The following RBFOX1 variants were observed in gnomAD, a reference collection of about 807,000 sequenced individuals.
RBFOX1 encodes RNA binding protein fox-1 homolog 1.
Under a neutral mutation model 57.7 loss-of-function variants are expected in RBFOX1, and 8 were observed. The observed-to-expected ratio is 0.14, with a 90% CI of 0.08 to 0.25. The LOEUF (loss-of-function observed/expected upper bound fraction) is 0.25. Among genes scored for constraint, RBFOX1 ranks in the 10% least tolerant of loss-of-function variants. The pLI, the probability that RBFOX1 is intolerant of heterozygous loss-of-function variation, is 1.00. For synonymous variants in RBFOX1, 326 were observed against 222.4 expected, an observed-to-expected ratio of 1.47 and a Z score of -4.15; for missense variants, 611 against 548.5, an observed-to-expected ratio of 1.11 and a Z score of -1.14.
intron 3 of RBFOX1, among the ~76,000 whole-genome samples, chr16:6,894,854 C>T (rs775004216): frequency 3.3e-5 from 5 of 152,122 alleles, no homozygotes; most frequent in Non-Finnish European, 4.4e-5. Flanking sequence ...GGGTTTAATT[C>T]TCTGCCACAG....
intron 3 of RBFOX1, among the ~76,000 whole-genome samples, chr16:7,049,566 A>G (rs1226229890): frequency 6.6e-6 from 1 of 152,168 alleles, no homozygotes; most frequent in Non-Finnish European, 1.5e-5. Context: ...CTGAGTCTTT[A>G]TATGGCTGGG....
In RBFOX1 at chr16:7,023,785, C is replaced by T. The variant is rs539709888; in HGVS notation, c.-15-28272C>T. On this transcript the variant is annotated intron_variant, in intron 3 of 15. Coordinates refer to ENST00000550418, the MANE Select transcript of RBFOX1 (RefSeq NM_018723.4). ...TTTCCACTTAGCTCAAATACAGCCT[C>T]GGCATCCTTCTGAACACTCTGGAGT... Among the ~76,000 whole-genome samples, 317 of 152,112 alleles carry T rather than the reference C, an allele frequency of 2.1e-3. 1 individual carries two copies. The highest frequency in any genetic ancestry group is 3.3e-3 in the Non-Finnish European group (222 of 67,992).
chr16:5,665,134 G>GGC (rs1555497017), intron 3 of RBFOX1, among the ~76,000 whole-genome samples: 3 of 141,104 alleles, frequency 2.1e-5, no homozygotes, highest in Admixed American at 7.0e-5. Flanking sequence ...TTTTACATGG[G>GGC]GGGGGGCGGT....
At chr16:6,922,276 G>A (rs1110057) in intron 3 of RBFOX1, among the ~76,000 whole-genome samples, 65,641 of 151,876 alleles carry the variant, frequency 0.43, 14,448 homozygotes, top group Middle Eastern at 0.48. Context: ...GATATAAACT[G>A]TAACTTATTC....
intron 1 of RBFOX1, among the ~76,000 whole-genome samples, chr16:6,119,543 C>T (rs2096532815): frequency 6.6e-6 from 1 of 152,122 alleles, no homozygotes; most frequent in South Asian, 2.1e-4. Context: ...CCTCTCATGC[C>T]CTGTACATGT....
chr16:7,587,518 T>C (rs1276371436), intron 7 of RBFOX1, among the ~76,000 whole-genome samples: 1 of 152,202 alleles, frequency 6.6e-6, no homozygotes, highest in Non-Finnish European at 1.5e-5. Context: ...GTTTTATATA[T>C]ATATCAAGTT....
intron 3 of RBFOX1, among the ~76,000 whole-genome samples, chr16:6,906,038 T>C (rs139556391): frequency 1.3e-5 from 2 of 152,316 alleles, no homozygotes; most frequent in Admixed American, 1.3e-4. Flanking sequence ...GAATGCCCAG[T>C]AGAATCAGGA....
chr16:5,315,617 G>A (rs757541083), intron 1 of RBFOX1, among the ~76,000 whole-genome samples: 2 of 152,176 alleles, frequency 1.3e-5, no homozygotes, highest in Non-Finnish European at 2.9e-5. Context: ...GTGTAGCAGG[G>A]ACCCTGTTTG....
intron 2 of RBFOX1, among the ~76,000 whole-genome samples, chr16:6,613,451 C>A (rs1344596396): frequency 6.6e-6 from 1 of 151,944 alleles, no homozygotes; most frequent in East Asian, 1.9e-4. Context: ...ACCCTTAGGC[C>A]CCCTTAAAGT....
At chr16:7,012,135 T>A (rs2093682190) in intron 3 of RBFOX1, among the ~76,000 whole-genome samples, 1 of 152,190 alleles carries the variant, frequency 6.6e-6, no homozygotes, top group South Asian at 2.1e-4. Context: ...AGATCTAGAA[T>A]AATCATAGGA....
At chr16:6,048,160 G>A (rs1217729818) in intron 1 of RBFOX1, among the ~76,000 whole-genome samples, 2 of 152,078 alleles carry the variant, frequency 1.3e-5, no homozygotes, top group Non-Finnish European at 2.9e-5. Context: ...AGCTCCATGG[G>A]GTAGGTATTA....
chr16:6,567,581 T>C (rs533143244), intron 2 of RBFOX1, among the ~76,000 whole-genome samples: 1 of 152,320 alleles, frequency 6.6e-6, no homozygotes, highest in African/African-American at 2.4e-5. Context: ...CTGCTTGTTC[T>C]CAGTCTCTGT....
At chr16:5,617,422 A>G (rs2048066412) in intron 3 of RBFOX1, among the ~76,000 whole-genome samples, 1 of 152,174 alleles carries the variant, frequency 6.6e-6, no homozygotes, top group Admixed American at 6.5e-5. Flanking sequence ...CCAGCCTTGC[A>G]CTGAGTCAAA....
intron 1 of RBFOX1, among the ~76,000 whole-genome samples, chr16:6,244,900 C>G (rs949936857): frequency 6.6e-6 from 1 of 151,932 alleles, no homozygotes; most frequent in Non-Finnish European, 1.5e-5. Context: ...TTCTGGTGTC[C>G]TTTGGCAAAC....
chr16:6,668,449 G>A (rs1434660751), intron 3 of RBFOX1, among the ~76,000 whole-genome samples: 1 of 152,208 alleles, frequency 6.6e-6, no homozygotes, highest in Non-Finnish European at 1.5e-5. Flanking sequence ...GTTCTTAGGG[G>A]CATGCCTGTT....
chr16:7,437,434 A>T (rs2098731878), intron 4 of RBFOX1, among the ~76,000 whole-genome samples: 2 of 152,150 alleles, frequency 1.3e-5, no homozygotes, highest in Admixed American at 1.3e-4. Flanking sequence ...TAATAGAGAC[A>T]AAAGGACACT....
chr16:6,909,513 C>G (rs1294619123), intron 3 of RBFOX1, among the ~76,000 whole-genome samples: 2 of 152,232 alleles, frequency 1.3e-5, no homozygotes, highest in African/African-American at 2.4e-5. Context: ...ATCACACTCT[C>G]TAAAGGCGTT....
chr16:5,646,424 C>G (rs999585230), intron 3 of RBFOX1, among the ~76,000 whole-genome samples: 1 of 152,124 alleles, frequency 6.6e-6, no homozygotes, highest in Non-Finnish European at 1.5e-5. Flanking sequence ...GAGCCATGAG[C>G]CACTGTGCAC....
Position 6,584,271 on chromosome 16 carries a change from C to T in RBFOX1, c.-63-70332C>T, listed in dbSNP as rs545733546. The stretch of plus-strand genomic sequence containing the variant: ...TCTGAGTGTGATCAAACCACACTTT[C>T]ACTATTTGGAGCTCAGTGAGTTAGG... On this transcript the variant is annotated intron_variant, in intron 2 of 15. Coordinates refer to ENST00000550418, the MANE Select transcript of RBFOX1 (RefSeq NM_018723.4). Among the ~76,000 whole-genome samples, 276 of 151,388 alleles carry T rather than the reference C, an allele frequency of 1.8e-3. 1 individual carries two copies. The highest frequency in any genetic ancestry group is 2.8e-3 in the Non-Finnish European group (190 of 67,876).
Sources: gnomAD v4.1 joint callset for allele counts (sites outside exome capture counted in the v4.1 genomes callset) on GRCh38, gnomAD v4.1.1 for gene constraint, MANE v1.5 for transcripts, NCBI Gene and HGNC (gene_info 2026-07-23, HGNC 2026-07-21) for gene names.